The following AUTS2 variants were observed in gnomAD, a reference collection of about 807,000 sequenced individuals.
The protein encoded by AUTS2 is activator of transcription and developmental regulator AUTS2.
Under a neutral mutation model 112.4 loss-of-function variants are expected in AUTS2, and 17 were observed. The ratio of observed to expected loss-of-function variants is 0.15; its 90% CI spans 0.10 to 0.23. The LOEUF (loss-of-function observed/expected upper bound fraction) is 0.23, where lower values mean the gene tolerates loss of function less well. Ranked by LOEUF, AUTS2 falls within the 10% of genes least tolerant of loss-of-function variation. The pLI, the probability that AUTS2 is intolerant of heterozygous loss-of-function variation, is 1.00. For missense variants in AUTS2, 1,510 were observed against 1,701.6 expected, an observed-to-expected ratio of 0.89 and a Z score of 1.98; for synonymous variants, 751 against 702.7, an observed-to-expected ratio of 1.07 and a Z score of -1.09.
chr7:70,165,382 A>G (rs1808327493), intron 4 of AUTS2, among the ~76,000 whole-genome samples: 1 of 152,206 alleles, frequency 6.6e-6, no homozygotes, highest in Non-Finnish European at 1.5e-5. Context: ...GCTGAAAATC[A>G]AAGATAAAGA....
chr7:70,753,683 A>G (rs945739957), intron 6 of AUTS2, among the ~76,000 whole-genome samples: 4 of 152,242 alleles, frequency 2.6e-5, no homozygotes, highest in African/African-American at 9.6e-5. Flanking sequence ...ATTTTTCTGC[A>G]AAACATCACT....
intron 6 of AUTS2, among the ~76,000 whole-genome samples, chr7:70,707,429 G>A (rs2129548498): frequency 6.6e-6 from 1 of 152,254 alleles, no homozygotes; most frequent in South Asian, 2.1e-4. Context: ...CATGCTCATA[G>A]CAGTCATACT....
Position 70,777,342 on chromosome 7 carries a change from T to C in AUTS2, c.2004+168T>C, listed in dbSNP as rs1255998098. 3.2e-5 allele frequency: 21 copies of C among 657,008 alleles called. No individual in the cohort carries two copies. In the East Asian group the frequency reaches 5.0e-4, roughly 16 times the overall value. 40.7% of individuals were successfully genotyped at this position (657,008 alleles called of 1,614,324 possible). ...CTACTCAGAAGTCTTACTTATTTTT[T>C]CCTAGAGTCAGGGTCTCACTCTGTT... On this transcript the variant is annotated intron_variant, in intron 14 of 18. Coordinates refer to ENST00000342771, the MANE Select transcript of AUTS2 (RefSeq NM_015570.4).
intron 4 of AUTS2, among the ~76,000 whole-genome samples, chr7:70,271,746 G>T (rs1032369137): frequency 2.6e-5 from 4 of 152,168 alleles, no homozygotes; most frequent in Non-Finnish European, 5.9e-5. Flanking sequence ...ATGTGTAAAT[G>T]CCTCCTGATT....
intron 5 of AUTS2, among the ~76,000 whole-genome samples, chr7:70,520,527 A>G (rs1228923825): frequency 6.6e-6 from 1 of 152,222 alleles, no homozygotes; most frequent in East Asian, 1.9e-4. Context: ...ACCTTTAGAT[A>G]TCACGTGCAT....
intron 5 of AUTS2, among the ~76,000 whole-genome samples, chr7:70,454,824 G>A (rs1263424762): frequency 6.6e-6 from 1 of 152,176 alleles, no homozygotes; most frequent in African/African-American, 2.4e-5. Flanking sequence ...GCACACTACT[G>A]GACCTCTCTA....
intron 2 of AUTS2, among the ~76,000 whole-genome samples, chr7:70,054,764 C>T (rs1425639803): frequency 6.6e-6 from 1 of 152,108 alleles, no homozygotes; most frequent in Non-Finnish European, 1.5e-5. Context: ...ATTTCCAGAA[C>T]TATTGACTAA....
At chr7:70,084,233 T>C (rs1803474906) in intron 2 of AUTS2, among the ~76,000 whole-genome samples, 1 of 152,220 alleles carries the variant, frequency 6.6e-6, no homozygotes, top group Non-Finnish European at 1.5e-5. Flanking sequence ...ACTCATATTA[T>C]GCTTATCCAC....
At chr7:69,789,078 A>C (rs1276568865) in intron 1 of AUTS2, among the ~76,000 whole-genome samples, 3 of 152,168 alleles carry the variant, frequency 2.0e-5, no homozygotes, top group Non-Finnish European at 4.4e-5. Flanking sequence ...GCCATCAACA[A>C]GTTTTCAAGC....
chr7:70,047,726 A>G (rs1332775928), intron 2 of AUTS2, among the ~76,000 whole-genome samples: 1 of 152,182 alleles, frequency 6.6e-6, no homozygotes, highest in Non-Finnish European at 1.5e-5. Flanking sequence ...TCTAATCAAG[A>G]TATGGGGAGA....
At chr7:70,315,995 T>C (rs1471641754) in intron 4 of AUTS2, among the ~76,000 whole-genome samples, 1 of 152,222 alleles carries the variant, frequency 6.6e-6, no homozygotes, top group Admixed American at 6.5e-5. Context: ...GCTGAAGGTT[T>C]CATAGCCAAT....
chr7:70,733,123 A>G (rs1369038083), intron 6 of AUTS2, among the ~76,000 whole-genome samples: 1 of 152,228 alleles, frequency 6.6e-6, no homozygotes, highest in African/African-American at 2.4e-5. Flanking sequence ...ATTTTTAATG[A>G]TCTGAGACAG....
intron 4 of AUTS2, among the ~76,000 whole-genome samples, chr7:70,420,737 C>A (rs1395922883): frequency 1.3e-5 from 2 of 152,094 alleles, no homozygotes; most frequent in East Asian, 3.9e-4. Context: ...TTAAAAATAC[C>A]TACTAATCTG....
intron 4 of AUTS2, among the ~76,000 whole-genome samples, chr7:70,244,375 T>G (rs916804881): frequency 2.0e-5 from 3 of 152,338 alleles, no homozygotes; most frequent in African/African-American, 7.2e-5. Context: ...TTTATAGCAT[T>G]AGATAATGCC....
intron 5 of AUTS2, among the ~76,000 whole-genome samples, chr7:70,453,370 C>A (rs758378909): frequency 1.3e-5 from 2 of 152,186 alleles, no homozygotes; most frequent in East Asian, 3.8e-4. Context: ...TCTGTCAGTC[C>A]TTCCTAAGCA....
chr7:69,752,913 T>C (rs1787801452), intron 1 of AUTS2, among the ~76,000 whole-genome samples: 1 of 152,216 alleles, frequency 6.6e-6, no homozygotes, highest in Non-Finnish European at 1.5e-5. Context: ...GTGTATGTTC[T>C]AGGTAATATT....
intron 2 of AUTS2, among the ~76,000 whole-genome samples, chr7:69,909,923 A>G (rs1795287956): frequency 6.6e-6 from 1 of 152,202 alleles, no homozygotes; most frequent in Non-Finnish European, 1.5e-5. Flanking sequence ...ATGACTTTTG[A>G]TTTTAAAAAA....
chr7:70,190,254 C>T lies in AUTS2; in HGVS notation c.660+55683C>T, dbSNP rs771079030. Among the ~76,000 whole-genome samples, 4 of 152,066 alleles carry T rather than the reference C, an allele frequency of 2.6e-5. No individual in the cohort carries two copies. The East Asian group carries it at 7.7e-4, about 29-fold the overall frequency. On this transcript the variant is annotated intron_variant, in intron 4 of 18. Coordinates refer to ENST00000342771, the MANE Select transcript of AUTS2 (RefSeq NM_015570.4). ...GTATTTAATCAAATTAAAACCTGTG[C>T]TAGGTAATGCCTCATAGATTTTATT... is the stretch of plus-strand genomic sequence containing the variant.
chr7:69,599,920 T>C lies in AUTS2; in HGVS notation c.267T>C (p.Asp89=). The change falls in exon 1 of 19, where the codon GAT becomes GAC. Residue 89 remains aspartate (D), a synonymous_variant. Coordinates refer to ENST00000342771, the MANE Select transcript of AUTS2 (RefSeq NM_015570.4). This position sits in a 1 kb window ranked among gnomAD's most constrained non-coding sequence, Gnocchi z 7.0. The part of the protein sequence containing the change: ...ESTSAEEDII[D]GFAMTSFVTF... ...CCTCGGCAGAAGAGGACATCATTGA[T>C]GGATTTGCCATGACCAGCTTTGTCA... 3 of 1,613,610 alleles carry C rather than the reference T, an allele frequency of 1.9e-6. No homozygotes were observed. Among genetic ancestry groups the C allele is most frequent in the Non-Finnish European group, 2.5e-6 (3 of 1,179,930 alleles).
Sources: gnomAD v4.1 joint callset for allele counts (sites outside exome capture counted in the v4.1 genomes callset) on GRCh38, gnomAD v4.1.1 for gene constraint, Gnocchi (gnomAD v3.1) non-coding constraint, MANE v1.5 for transcripts, NCBI Gene and HGNC (gene_info 2026-07-23, HGNC 2026-07-21) for gene names.